Variants in UTRN observed in about 807,000 individuals in gnomAD.
UTRN encodes the protein utrophin.
In UTRN, 283 loss-of-function variants were observed where a neutral mutation model predicts 463.9. The ratio of observed to expected loss-of-function variants is 0.61; its 90% CI spans 0.55 to 0.67. The LOEUF (loss-of-function observed/expected upper bound fraction) is 0.67, where lower values mean the gene tolerates loss of function less well. Among genes scored for constraint, UTRN ranks in the 30% least tolerant of loss-of-function variants. The probability of loss-of-function intolerance (pLI) is 0.00; values close to 1 mark genes in which losing one functional copy is unlikely to be tolerated. For synonymous variants in UTRN, 1,442 were observed against 1,431.5 expected, an observed-to-expected ratio of 1.01 and a Z score of -0.17; for missense variants, 3,922 against 4,084.3, an observed-to-expected ratio of 0.96 and a Z score of 1.08.
At chr6:144,452,222 C>T (rs1251652576) in intron 18 of UTRN, among the ~76,000 whole-genome samples, 1 of 152,190 alleles carries the variant, frequency 6.6e-6, no homozygotes, top group Non-Finnish European at 1.5e-5. Context: ...CTTAGAGTCT[C>T]TTACTAATAT....
chr6:144,611,852 A>G (rs1047664144), intron 51 of UTRN, among the ~76,000 whole-genome samples: 11 of 152,218 alleles, frequency 7.2e-5, no homozygotes, highest in African/African-American at 2.7e-4. Context: ...ATAGAAAATA[A>G]TCCTCAAATT....
chr6:144,481,597 C>G (rs1452643281), intron 26 of UTRN, among the ~76,000 whole-genome samples: 1 of 152,226 alleles, frequency 6.6e-6, no homozygotes, highest in Non-Finnish European at 1.5e-5. Context: ...TGAAAATTCA[C>G]TCACTTAAAT....
chr6:144,459,625 C>T (rs1189998201), intron 21 of UTRN, among the ~76,000 whole-genome samples: 4 of 151,946 alleles, frequency 2.6e-5, no homozygotes, highest in Non-Finnish European at 5.9e-5. Flanking sequence ...TACAGGATCT[C>T]ACTCTGTCAC....
Position 144,678,505 on chromosome 6 carries a change from A to G in UTRN, c.7579A>G (p.Thr2527Ala), listed in dbSNP as rs749328756. 14 of 1,613,202 alleles carry G rather than the reference A, an allele frequency of 8.7e-6. No homozygotes were observed. Among genetic ancestry groups the G allele is most frequent in the Non-Finnish European group, 1.0e-5 (12 of 1,179,594 alleles). ...AGCTTTGGGAAATTCTGAAGAGGCT[A>G]CTATGCTTCAACATCGACTGGATGA... ...VKALGNSEEA[T>A]MLQHRLDDMN... The change falls in exon 52 of 75, where the codon ACT (threonine) becomes GCT (alanine). Residue 2527 changes from threonine to alanine, a missense_variant. This residue lies in a region of UTRN where 1,309 missense variants were observed against 1,452.6 expected (regional missense o/e 0.90). Transcript: ENST00000367545.
chr6:144,439,638 G>A (rs925515618), intron 12 of UTRN, among the ~76,000 whole-genome samples: 7 of 152,184 alleles, frequency 4.6e-5, no homozygotes, highest in Middle Eastern at 3.4e-3. Context: ...GACTACAGGC[G>A]TGTGCCACCA....
chr6:144,436,027 T>G lies in UTRN; in HGVS notation c.948T>G (p.Ile316Met), dbSNP rs1402567414. Residue 316 changes from isoleucine to methionine, a missense_variant, in exon 10 of 75, where the codon ATT becomes ATG. By Grantham distance (10) the Ile-to-Met change is conservative (BLOSUM62 1). Transcript: ENST00000367545. ...EVDMDLDSYQ[I>M]ALEEVLTWLL... Reference sequence around the variant, plus strand: ...ACATGGATCTGGACAGCTATCAGATTGCGTTGGAGGAAGTGCTGACCTGGT... The same window carrying G: ...ACATGGATCTGGACAGCTATCAGATGGCGTTGGAGGAAGTGCTGACCTGGT... The G allele has an allele frequency of 1.9e-6, 3 of 1,614,104 alleles. No homozygotes were observed. Among genetic ancestry groups the G allele is most frequent in the South Asian group, 2.2e-5 (2 of 91,086 alleles).
chr6:144,440,607 C>T, intron 13 of UTRN, 136 bp downstream of exon 13: 1 of 1,174,434 alleles, frequency 8.5e-7, no homozygotes, highest in South Asian at 1.5e-5. Context: ...TTGTACTTCT[C>T]AGTTGGGGTT....
At chr6:144,686,203 TGTAA>T (rs1423568718) in intron 52 of UTRN, among the ~76,000 whole-genome samples, 1 of 152,162 alleles carries the variant, frequency 6.6e-6, no homozygotes, top group African/African-American at 2.4e-5. Flanking sequence ...ATCAGTTGGT[TGTAA>T]GTATTTGGCT....
intron 2 of UTRN, among the ~76,000 whole-genome samples, chr6:144,352,416 G>A (rs1778185817): frequency 6.6e-6 from 1 of 152,116 alleles, no homozygotes; most frequent in Non-Finnish European, 1.5e-5. Context: ...TTGCTTATAT[G>A]CATTAAAAAT....
intron 53 of UTRN, among the ~76,000 whole-genome samples, chr6:144,702,549 G>A (rs527643515): frequency 9.2e-5 from 14 of 152,176 alleles, no homozygotes; most frequent in African/African-American, 1.7e-4. Flanking sequence ...TATGTCCTAC[G>A]GTAATAACAA....
chr6:144,408,925 C>T (rs1213349570), intron 3 of UTRN, among the ~76,000 whole-genome samples: 1 of 152,140 alleles, frequency 6.6e-6, no homozygotes, highest in Admixed American at 6.5e-5. Context: ...AAGATAAATC[C>T]CATCTATAGT....
chr6:144,662,007 C>CTATTTATT (rs36070256), intron 51 of UTRN, among the ~76,000 whole-genome samples: 3 of 150,486 alleles, frequency 2.0e-5, no homozygotes, highest in East Asian at 4.2e-4. Flanking sequence ...TTATTATTAT[C>CTATTTATT]TATTTATTTA....
chr6:144,522,616 T>A (rs1198045020), intron 40 of UTRN, among the ~76,000 whole-genome samples: 1 of 152,236 alleles, frequency 6.6e-6, no homozygotes, highest in East Asian at 1.9e-4. Flanking sequence ...TGCATTTATA[T>A]GTAAAATCAC....
chr6:144,408,025 T>G (rs936455066), intron 3 of UTRN, among the ~76,000 whole-genome samples: 1 of 152,240 alleles, frequency 6.6e-6, no homozygotes, highest in African/African-American at 2.4e-5. Flanking sequence ...GGTCTACATT[T>G]CCATAGCCAT....
chr6:144,358,597 A>G lies in UTRN; in HGVS notation c.80-44526A>G, dbSNP rs144387354. Among the ~76,000 whole-genome samples, 27 of 152,240 alleles carry G rather than the reference A, an allele frequency of 1.8e-4. No homozygotes were observed. In the East Asian group the frequency reaches 3.7e-3, roughly 21 times the overall value. ...ATATTAACCATCTTCTTCATATTCT[A>G]TTAACTCTTGTGTTGTTTAAAAAAC... On this transcript the variant is annotated intron_variant, in intron 2 of 74. Coordinates refer to ENST00000367545, the MANE Select transcript of UTRN (RefSeq NM_007124.3).
intron 2 of UTRN, among the ~76,000 whole-genome samples, chr6:144,331,402 T>C (rs996327119): frequency 6.6e-6 from 1 of 152,136 alleles, no homozygotes; most frequent in African/African-American, 2.4e-5. Context: ...TGATACGCTA[T>C]GAAAGTTATT....
rs186670127 is a variant in UTRN, at chr6:144,404,856, A to T, written c.141+1672A>T. 3.3e-5 allele frequency among the ~76,000 whole-genome samples: 5 copies of T among 152,324 alleles called. No individual in the cohort carries two copies. In the East Asian group the frequency reaches 9.6e-4, roughly 29 times the overall value. ...TGGTGGGTCATTGACACCTTTAAAA[A>T]GACCTCAAAGAAAACAAAATCTGGT... On this transcript the variant is annotated intron_variant, in intron 3 of 74. Coordinates refer to ENST00000367545, the MANE Select transcript of UTRN (RefSeq NM_007124.3).
At chr6:144,331,398 G>A (rs1776322115) in intron 2 of UTRN, among the ~76,000 whole-genome samples, 1 of 152,040 alleles carries the variant, frequency 6.6e-6, no homozygotes, top group African/African-American at 2.4e-5. Context: ...CTAATGATAC[G>A]CTATGAAAGT....
chr6:144,397,436 G>A (rs1782540034), intron 2 of UTRN, among the ~76,000 whole-genome samples: 2 of 151,956 alleles, frequency 1.3e-5, no homozygotes, highest in South Asian at 2.1e-4. Context: ...AGATAATCTC[G>A]ATTTTATTAC....
Sources: gnomAD v4.1 joint callset for allele counts (sites outside exome capture counted in the v4.1 genomes callset) on GRCh38, gnomAD v4.1.1 for gene constraint, gnomAD v4.1.1 regional missense constraint, MANE v1.5 for transcripts, NCBI Gene and HGNC (gene_info 2026-07-23, HGNC 2026-07-21) for gene names.